The following ANO4 variants were observed in gnomAD, a reference collection of about 807,000 sequenced individuals.
The protein encoded by ANO4 is anoctamin-4.
ANO4 carries 69 observed loss-of-function variants against 141.9 expected under a neutral mutation model. The ratio of observed to expected loss-of-function variants is 0.49; its 90% confidence interval spans 0.40 to 0.59. The LOEUF is 0.59. ANO4 is among the 20% of genes least tolerant of loss of function. The pLI, the probability that ANO4 is intolerant of heterozygous loss-of-function variation, is 0.00. For synonymous variants in ANO4, 350 were observed against 394.3 expected (o/e 0.89, Z 1.33); for missense variants, 894 against 1,162.2 (o/e 0.77, Z 3.36).
intron 1 of ANO4, among the ~76,000 whole-genome samples, chr12:100,898,849 T>C (rs1565985128): frequency 6.6e-6 from 1 of 152,194 alleles, no homozygotes; most frequent in Non-Finnish European, 1.5e-5. Context: ...TATCATCTGA[T>C]GTTGACTTAA....
At chr12:100,806,523 C>A (rs1402794082) in intron 1 of ANO4, among the ~76,000 whole-genome samples, 3 of 44,980 alleles carry the variant, frequency 6.7e-5, no homozygotes, top group East Asian at 1.1e-3. Context: ...TTTTTTGTTT[C>A]GTTTTTTTTT....
At chr12:100,930,398 A>G (rs2136133786) in intron 3 of ANO4, among the ~76,000 whole-genome samples, 2 of 152,190 alleles carry the variant, frequency 1.3e-5, no homozygotes, top group South Asian at 2.1e-4. Flanking sequence ...TCTTCTGTGT[A>G]TGGATATCCA....
chr12:100,981,780 T>C (rs1454238407), intron 7 of ANO4, among the ~76,000 whole-genome samples: 1 of 152,174 alleles, frequency 6.6e-6, no homozygotes, highest in African/African-American at 2.4e-5. Flanking sequence ...ATTCTGTACA[T>C]TGTAGGCAGT....
At chr12:100,729,164 A>C (rs12300683) in intron 1 of ANO4, among the ~76,000 whole-genome samples, 3 of 151,942 alleles carry the variant, frequency 2.0e-5, no homozygotes, top group African/African-American at 7.3e-5. Context: ...CTTTCATTCC[A>C]TATTTTGCTT....
chr12:100,993,493 G>A (rs950027531), intron 8 of ANO4, among the ~76,000 whole-genome samples: 7 of 152,072 alleles, frequency 4.6e-5, no homozygotes, highest in Non-Finnish European at 8.8e-5. Flanking sequence ...ACACCTAGGC[G>A]AGGCTACCTG....
intron 14 of ANO4, among the ~76,000 whole-genome samples, chr12:101,054,334 A>T (rs11614270): frequency 0.13 from 20,031 of 152,194 alleles, 1,491 homozygotes; most frequent in East Asian, 0.25. Flanking sequence ...ATGCCATAAT[A>T]TTAATGGTGG....
chr12:101,048,363 G>A lies in ANO4; in HGVS notation c.1274G>A (p.Gly425Glu). ...YAKVTHLFDN[G>E]ATVFFAVFMA... Reference sequence around the variant, plus strand: ...CAGGTAACCCACCTTTTTGACAATGGAGCCACTGTCTTCTTTGCTGTTTTC... The same window carrying A: ...CAGGTAACCCACCTTTTTGACAATGAAGCCACTGTCTTCTTTGCTGTTTTC... The change falls in exon 14 of 28, where the codon GGA becomes GAA. Residue 425 changes from glycine to glutamate, a missense_variant. By Grantham distance (98) the Gly-to-Glu change is moderately conservative (BLOSUM62 -2). Transcript: ENST00000392977. 1 of 1,613,700 alleles carries A rather than the reference G, an allele frequency of 6.2e-7. No homozygotes were observed. The highest frequency in any genetic ancestry group is 1.1e-5 in the South Asian group (1 of 91,042).
chr12:101,120,533 C>T lies in ANO4; in HGVS notation c.2584C>T (p.Arg862Cys), dbSNP rs774274653. The part of the protein sequence containing the change: ...PLKYCRYRDY[R>C]DPPHSLVPYG... Reference sequence around the variant, plus strand: ...GTGTCTTTATAGATACCGGGACTACCGTGACCCGCCTCATTCACTGGTGCC... The same window carrying T: ...GTGTCTTTATAGATACCGGGACTACTGTGACCCGCCTCATTCACTGGTGCC... The change falls in exon 26 of 28, where the codon CGT becomes TGT. Residue 862 changes from arginine (R) to cysteine (C), a missense_variant. Physicochemically the swap from Arg to Cys is radical, Grantham distance 180 (BLOSUM62 -3). Transcript: ENST00000392977. 6.2e-6 allele frequency: 10 copies of T among 1,613,784 alleles called. No homozygotes were observed. The highest frequency in any genetic ancestry group is 2.2e-5 in the East Asian group (1 of 44,880).
At chr12:100,800,822 G>T (rs4764996) in intron 1 of ANO4, among the ~76,000 whole-genome samples, 3 of 152,088 alleles carry the variant, frequency 2.0e-5, no homozygotes, top group African/African-American at 7.2e-5. Context: ...TTCTATGTCT[G>T]GTTCCGAAGT....
At chr12:101,113,072 T>A (rs773254117) in intron 24 of ANO4, among the ~76,000 whole-genome samples, 4 of 152,148 alleles carry the variant, frequency 2.6e-5, no homozygotes, top group Non-Finnish European at 5.9e-5. Context: ...CATTATAATC[T>A]TCACTTTGAG....
chr12:101,040,011 T>C lies in ANO4; in HGVS notation c.954T>C (p.His318=). Reference sequence around the variant, plus strand: ...CCCATGGAGCAGAAAACCACCGACATCTACTCTATGAGTGCTGGGCCTCCT... The same window carrying C: ...CCCATGGAGCAGAAAACCACCGACACCTACTCTATGAGTGCTGGGCCTCCT... ...IRTHGAENHR[H]LLYECWASWG... is the part of the protein sequence containing the mutation. Residue 318 remains histidine (H), a synonymous_variant, in exon 11 of 28, where the codon CAT becomes CAC. Coordinates refer to ENST00000392977, the MANE Select transcript of ANO4 (RefSeq NM_001286615.2). 1 of 1,613,682 alleles carries C rather than the reference T, an allele frequency of 6.2e-7. No individual in the cohort carries two copies. The highest frequency in any genetic ancestry group is 8.5e-7 in the Non-Finnish European group (1 of 1,179,642).
At chr12:100,735,825 G>A (rs572849974) in intron 2 of ANO4, among the ~76,000 whole-genome samples, 4 of 152,162 alleles carry the variant, frequency 2.6e-5, no homozygotes, top group African/African-American at 4.8e-5. Context: ...GACTTCTCAC[G>A]TCAGAATGCC....
intron 3 of ANO4, among the ~76,000 whole-genome samples, chr12:100,763,430 C>T (rs2032958382): frequency 6.6e-6 from 1 of 152,226 alleles, no homozygotes; most frequent in Admixed American, 6.5e-5. Context: ...ACATATTTCA[C>T]ACTAAAGATC....
At chr12:101,076,367 G>A (rs1289359532) in intron 14 of ANO4, among the ~76,000 whole-genome samples, 2 of 152,168 alleles carry the variant, frequency 1.3e-5, no homozygotes, top group Non-Finnish European at 2.9e-5. Flanking sequence ...ATCTGCTGGT[G>A]CCTTGATCTT....
At chr12:100,882,618 A>G (rs911060593) in intron 1 of ANO4, among the ~76,000 whole-genome samples, 2 of 152,088 alleles carry the variant, frequency 1.3e-5, no homozygotes, top group Admixed American at 6.6e-5. Flanking sequence ...ATGATGTAAG[A>G]TGATTATAGC....
At chr12:100,887,531 T>G (rs1293542944) in intron 1 of ANO4, among the ~76,000 whole-genome samples, 1 of 151,960 alleles carries the variant, frequency 6.6e-6, no homozygotes, top group African/African-American at 2.4e-5. Context: ...TTTTTTTTTT[T>G]CTTTCTAAAA....
chr12:101,047,179 G>A (rs1377578622), intron 13 of ANO4, among the ~76,000 whole-genome samples: 1 of 152,156 alleles, frequency 6.6e-6, no homozygotes, highest in Non-Finnish European at 1.5e-5. Flanking sequence ...AACCCAGGAG[G>A]TGGAGGTTGC....
At chr12:100,769,747 A>G (rs1310067574) in intron 3 of ANO4, among the ~76,000 whole-genome samples, 1 of 152,186 alleles carries the variant, frequency 6.6e-6, no homozygotes, top group African/African-American at 2.4e-5. Flanking sequence ...CCCACCCCAT[A>G]GCTGTGTGGT....
Position 101,096,570 on chromosome 12 carries a change from C to T in ANO4, c.1773C>T (p.Ser591=). Residue 591 remains serine (S), a synonymous_variant, in exon 19 of 28, where the codon AGC becomes AGT. Coordinates refer to ENST00000392977, the MANE Select transcript of ANO4 (RefSeq NM_001286615.2). Reference sequence around the variant, plus strand: ...GCACAGAGTCTGAGTGGGAGAACAGCTTCACCCTGAAAATGTTTCTTTTTC... The same window carrying T: ...GCACAGAGTCTGAGTGGGAGAACAGTTTCACCCTGAAAATGTTTCTTTTTC... The part of the protein sequence containing the change: ...QPRTESEWEN[S]FTLKMFLFQF... 6.2e-7 allele frequency: 1 copy of T among 1,613,550 alleles called. No homozygotes were observed. The highest frequency in any genetic ancestry group is 8.5e-7 in the Non-Finnish European group (1 of 1,179,614).
Sources: gnomAD v4.1 joint callset for allele counts (sites outside exome capture counted in the v4.1 genomes callset) on GRCh38, gnomAD v4.1.1 for gene constraint, MANE v1.5 for transcripts, NCBI Gene and HGNC (gene_info 2026-07-23, HGNC 2026-07-21) for gene names.